CDKL2: variants seen among roughly 807,000 people sequenced by gnomAD.
The protein encoded by CDKL2 is cyclin dependent kinase like 2.
Under a neutral mutation model 63.9 loss-of-function variants are expected in CDKL2, and 64 were observed. The ratio of observed to expected loss-of-function variants is 1.00; its 90% CI spans 0.82 to 1.23. The LOEUF (loss-of-function observed/expected upper bound fraction) is 1.23. Ranked by LOEUF, CDKL2 falls within the 50% of genes most tolerant of loss-of-function variation. CDKL2 has a pLI of 0.00. For synonymous variants in CDKL2, 211 were observed against 229.2 expected (o/e 0.92, Z 0.72); for missense variants, 656 against 668.0 (o/e 0.98, Z 0.20).
chr4:75,614,555 T>A, intron 2 of CDKL2, 106 bp from the exon 3 acceptor site: 2 of 674,416 alleles, frequency 3.0e-6, no homozygotes, highest in South Asian at 2.6e-5. Context: ...GATCTCAGCG[T>A]AAGAAAAATA....
In CDKL2 at chr4:75,577,372, T is replaced by C. The variant is rs1268674407; in HGVS notation, c.*1830A>G. 2.0e-5 allele frequency among the ~76,000 whole-genome samples: 3 copies of C among 152,324 alleles called. No homozygotes were observed. Among genetic ancestry groups the C allele is most frequent in the African/African-American group, 4.8e-5 (2 of 41,586 alleles). ...CTTTTTCTAGTAGTTCTGCCACAGTTCTAATCAGATATGATCCTCAAGTCA... is the reference window on the plus strand; with the variant it reads ...CTTTTTCTAGTAGTTCTGCCACAGTCCTAATCAGATATGATCCTCAAGTCA... On this transcript the variant is annotated 3_prime_UTR_variant, in exon 14 of 14. Transcript: ENST00000307465.
chr4:75,584,874 C>T (rs984445118), intron 12 of CDKL2, among the ~76,000 whole-genome samples: 2 of 152,076 alleles, frequency 1.3e-5, no homozygotes, highest in East Asian at 1.9e-4. Flanking sequence ...ATTTTCAGAC[C>T]ACAGTTGACC....
chr4:75,612,743 A>G (rs557457180), intron 3 of CDKL2, among the ~76,000 whole-genome samples: 7 of 152,290 alleles, frequency 4.6e-5, no homozygotes, highest in African/African-American at 1.7e-4. Context: ...TCTCTTTGCA[A>G]TTTACTAAAC....
intron 2 of CDKL2, among the ~76,000 whole-genome samples, chr4:75,622,715 CAAAAAAAA>C (rs1171964321): frequency 3.6e-4 from 5 of 13,956 alleles, no homozygotes; most frequent in South Asian, 0.011. Context: ...AAGACTCCAT[CAAAAAAAA>C]AAAAAAAAAA....
intron 2 of CDKL2, among the ~76,000 whole-genome samples, chr4:75,620,856 T>C (rs1333873821): frequency 1.3e-5 from 2 of 152,084 alleles, no homozygotes; most frequent in African/African-American, 4.8e-5. Flanking sequence ...CTATCAGTAG[T>C]AGCTGATATG....
chr4:75,625,768 C>CA (rs1560596421), intron 2 of CDKL2, 53 bp downstream of exon 2: 4 of 1,371,266 alleles, frequency 2.9e-6, no homozygotes, highest in South Asian at 1.3e-5. Context: ...TTCTTATTGC[C>CA]AAAAAAGAAA....
intron 1 of CDKL2, among the ~76,000 whole-genome samples, chr4:75,626,388 C>T (rs1400619475): frequency 3.3e-5 from 5 of 151,994 alleles, no homozygotes; most frequent in Non-Finnish European, 5.9e-5. Flanking sequence ...AATTCCAGAC[C>T]GGGCGCAGTG....
chr4:75,581,956 C>T, intron 12 of CDKL2, 58 bp from the exon 13 acceptor site: 1 of 1,119,970 alleles, frequency 8.9e-7, no homozygotes, highest in Non-Finnish European at 1.3e-6. Flanking sequence ...TTCCACTTCC[C>T]CAAAATTTCA....
At chr4:75,586,537 G>T (rs1301924631) in intron 12 of CDKL2, among the ~76,000 whole-genome samples, 1 of 151,950 alleles carries the variant, frequency 6.6e-6, no homozygotes, top group Non-Finnish European at 1.5e-5. Flanking sequence ...GCCTGGACTA[G>T]CCTTAATGTT....
chr4:75,609,709 T>G (rs1330179973), intron 3 of CDKL2, among the ~76,000 whole-genome samples: 1 of 149,450 alleles, frequency 6.7e-6, no homozygotes, highest in Non-Finnish European at 1.5e-5. Context: ...AAGACATTAT[T>G]AGGCCTAATT....
Position 75,600,286 on chromosome 4 carries a change from A to G in CDKL2, c.879T>C (p.Ala293=), listed in dbSNP as rs990652352. Residue 293 remains alanine, a synonymous_variant, in exon 7 of 14, where the codon GCT becomes GCC. Coordinates refer to ENST00000307465, the MANE Select transcript of CDKL2 (RefSeq NM_001330724.2). The part of the protein sequence containing the change: ...HHDFFQMDGF[A]ERFSQELQLK... ...AACATGGGTAAGTACTATACCTCTC[A>G]GCAAATCCATCCATTTGAAAGAAAT... 2 of 1,610,894 alleles carry G rather than the reference A, an allele frequency of 1.2e-6. No homozygotes were observed. The highest frequency in any genetic ancestry group is 3.3e-5 in the Admixed American group (2 of 59,940).
rs1029137913 is a variant in CDKL2 at position 75,630,508 on chromosome 4, T to C, written c.-496A>G. On this transcript the variant is annotated 5_prime_UTR_variant, in exon 1 of 14. Coordinates refer to ENST00000307465, the MANE Select transcript of CDKL2 (RefSeq NM_001330724.2). The stretch of plus-strand genomic sequence containing the variant: ...CTCCAACTACCCCTGGGCGAAGGCG[T>C]TGGCCGCGGAGCTGCAAGGGGGGGC... The C allele has an allele frequency of 2.0e-5, 3 of 152,282 alleles. No homozygotes were observed. Among genetic ancestry groups the C allele is most frequent in the Non-Finnish European group, 2.9e-5 (2 of 68,088 alleles). The allele number at this position is 152,282 out of a possible 1,614,324, so 9.4% of individuals were successfully genotyped here. A position where few individuals can be genotyped will look rare whatever the true frequency, so the allele number is the denominator to read the frequency against.
chr4:75,599,428 G>A (rs888898122), intron 7 of CDKL2, among the ~76,000 whole-genome samples: 7 of 151,494 alleles, frequency 4.6e-5, no homozygotes, highest in African/African-American at 1.7e-4. Flanking sequence ...AGTTGTGGTG[G>A]CACATGCCTG....
At chr4:75,595,046 GCTCTGT>G (rs1010598440) in intron 10 of CDKL2, among the ~76,000 whole-genome samples, 10 of 152,090 alleles carry the variant, frequency 6.6e-5, no homozygotes, top group African/African-American at 2.4e-4. Flanking sequence ...TCCTTCCTGT[GCTCTGT>G]CTAAATACAA....
intron 3 of CDKL2, among the ~76,000 whole-genome samples, chr4:75,613,080 G>A (rs1367603794): frequency 6.7e-6 from 1 of 150,262 alleles, no homozygotes; most frequent in Non-Finnish European, 1.5e-5. Flanking sequence ...AGCCGAGATC[G>A]CGCCACTGCA....
chr4:75,599,807 C>T (rs1358252016), intron 7 of CDKL2, among the ~76,000 whole-genome samples: 2 of 152,206 alleles, frequency 1.3e-5, no homozygotes, highest in Non-Finnish European at 2.9e-5. Flanking sequence ...CTGTTGCCAG[C>T]AGCTTGAGCA....
chr4:75,628,432 T>C (rs1057292057), intron 1 of CDKL2, among the ~76,000 whole-genome samples: 5 of 152,110 alleles, frequency 3.3e-5, no homozygotes, highest in African/African-American at 1.2e-4. Context: ...TTTTTACTCA[T>C]ATTATATGAC....
chr4:75,600,774 A>G (rs1468182711), intron 6 of CDKL2, among the ~76,000 whole-genome samples: 3 of 152,206 alleles, frequency 2.0e-5, no homozygotes, highest in Non-Finnish European at 1.5e-5. Context: ...TGAATTTTAC[A>G]CATCAATAAT....
chr4:75,609,434 G>C (rs115878466), intron 3 of CDKL2, among the ~76,000 whole-genome samples: 1 of 151,270 alleles, frequency 6.6e-6, no homozygotes, highest in African/African-American at 2.4e-5. Context: ...GTGAAACCCC[G>C]TCCCTAGTCA....
Sources: gnomAD v4.1 joint callset for allele counts (sites outside exome capture counted in the v4.1 genomes callset) on GRCh38, gnomAD v4.1.1 for gene constraint, MANE v1.5 for transcripts, NCBI Gene and HGNC (gene_info 2026-07-23, HGNC 2026-07-21) for gene names.